CACNA2D1: variants seen among roughly 807,000 people sequenced by gnomAD.
CACNA2D1 encodes calcium voltage-gated channel auxiliary subunit alpha2delta 1.
A neutral mutation model predicts 171.5 loss-of-function variants in CACNA2D1; 53 were observed. The observed-to-expected ratio is 0.31, with a 90% CI of 0.25 to 0.39. The LOEUF is 0.39. Among genes scored for constraint, CACNA2D1 ranks in the 10% least tolerant of loss-of-function variants. The pLI, the probability that CACNA2D1 is intolerant of heterozygous loss-of-function variation, is 1.00. For synonymous variants in CACNA2D1, 442 were observed against 443.1 expected, an observed-to-expected ratio of 1.00 and a Z score of 0.03; for missense variants, 903 against 1,299.8, an observed-to-expected ratio of 0.69 and a Z score of 4.69.
intron 3 of CACNA2D1, among the ~76,000 whole-genome samples, chr7:82,312,684 T>A (rs1275693000): frequency 1.6e-5 from 2 of 121,924 alleles, no homozygotes; most frequent in African/African-American, 9.9e-5. Context: ...GCCCAGCTAA[T>A]TTTTTTTTTT....
intron 2 of CACNA2D1, among the ~76,000 whole-genome samples, chr7:82,349,265 T>A (rs569350671): frequency 1.3e-5 from 2 of 152,334 alleles, no homozygotes; most frequent in African/African-American, 4.8e-5. Flanking sequence ...GGAAACATTA[T>A]AATAGTAAGT....
intron 6 of CACNA2D1, among the ~76,000 whole-genome samples, chr7:82,111,377 CATAT>C (rs112816363): frequency 3.7e-5 from 3 of 82,184 alleles, no homozygotes; most frequent in South Asian, 3.8e-4. Flanking sequence ...TATATATATT[CATAT>C]ATGTGTATAT....
chr7:82,029,814 A>C (rs1302759941), intron 12 of CACNA2D1: 1 of 151,844 alleles, frequency 6.6e-6, no homozygotes, highest in Non-Finnish European at 1.5e-5. Flanking sequence ...AGTTAGAAAA[A>C]CAAACAATAT....
intron 4 of CACNA2D1, among the ~76,000 whole-genome samples, chr7:82,170,181 TA>T (rs1795868041): frequency 6.6e-6 from 1 of 151,960 alleles, no homozygotes; most frequent in Non-Finnish European, 1.5e-5. Context: ...TCAAAGTAGT[TA>T]AAAGCAACTT....
Position 81,967,319 on chromosome 7 carries a change from G to C in CACNA2D1, c.2464-112C>G, listed in dbSNP as rs555407383. On this transcript the variant is annotated intron_variant, in intron 30 of 38. Transcript: ENST00000356860. Reference sequence around the variant, plus strand: ...AATAATTTATCCAGTAGAAAAATAAGATTAAACAGTCTAGTCTATAAGAAA... The same window carrying C: ...AATAATTTATCCAGTAGAAAAATAACATTAAACAGTCTAGTCTATAAGAAA... The C allele has an allele frequency of 1.4e-5, 13 of 918,092 alleles. No homozygotes were observed. The East Asian group carries it at 2.4e-4, about 17-fold the overall frequency. The allele number at this position is 918,092 out of a possible 1,614,324, so 56.9% of individuals were successfully genotyped here. A position where few individuals can be genotyped will look rare whatever the true frequency, so the allele number is the denominator to read the frequency against.
At chr7:82,053,227 G>A (rs1260000703) in intron 10 of CACNA2D1, among the ~76,000 whole-genome samples, 1 of 146,450 alleles carries the variant, frequency 6.8e-6, no homozygotes, top group Non-Finnish European at 1.5e-5. Flanking sequence ...ACTCCAGCCT[G>A]GGTGACAGAG....
At chr7:82,115,499 G>T (rs1202969432) in intron 6 of CACNA2D1, among the ~76,000 whole-genome samples, 2 of 151,626 alleles carry the variant, frequency 1.3e-5, no homozygotes, top group Non-Finnish European at 2.9e-5. Flanking sequence ...TTATGTTTAA[G>T]GCTCATGTAA....
At chr7:82,151,938 A>T (rs1793894031) in intron 4 of CACNA2D1, among the ~76,000 whole-genome samples, 1 of 152,098 alleles carries the variant, frequency 6.6e-6, no homozygotes, top group Admixed American at 6.5e-5. Context: ...AACTAGAAGG[A>T]GGTATTTTTT....
At chr7:82,097,530 TG>T (rs1367149972) in intron 6 of CACNA2D1, among the ~76,000 whole-genome samples, 1 of 152,160 alleles carries the variant, frequency 6.6e-6, no homozygotes, top group Admixed American at 6.5e-5. Flanking sequence ...CATGGTTTTC[TG>T]ACTTGGGTTC....
chr7:82,399,546 C>G (rs1826122108), intron 1 of CACNA2D1, among the ~76,000 whole-genome samples: 1 of 151,916 alleles, frequency 6.6e-6, no homozygotes. Flanking sequence ...AATGATAAAA[C>G]AATGATGAAA....
At chr7:82,181,041 ATTTTTTTTTTTTTTTTTTT>A (rs71093367) in intron 3 of CACNA2D1, among the ~76,000 whole-genome samples, 34 of 13,960 alleles carry the variant, frequency 2.4e-3, no homozygotes, top group Non-Finnish European at 4.2e-3. Flanking sequence ...GGCATGTCGG[ATTTTTTTTTTTTTTTTTTT>A]TTTTTTTTTT....
chr7:82,176,550 G>C (rs1255742560), intron 3 of CACNA2D1, among the ~76,000 whole-genome samples: 1 of 151,862 alleles, frequency 6.6e-6, no homozygotes, highest in African/African-American at 2.4e-5. Context: ...GGTTCTGTTA[G>C]CTAAAGAAGC....
At chr7:82,073,538 T>C (rs3823923) in intron 7 of CACNA2D1, among the ~76,000 whole-genome samples, 59,024 of 152,018 alleles carry the variant, frequency 0.39, 11,763 homozygotes, top group Non-Finnish European at 0.43. Flanking sequence ...AAATTATCTG[T>C]GAGAACAAAA....
intron 3 of CACNA2D1, among the ~76,000 whole-genome samples, chr7:82,208,945 T>C (rs1401600645): frequency 6.6e-6 from 1 of 152,178 alleles, no homozygotes; most frequent in East Asian, 1.9e-4. Context: ...AACAGATATA[T>C]ACAATTTTTA....
chr7:82,131,130 T>G (rs1240094954), intron 5 of CACNA2D1, among the ~76,000 whole-genome samples: 1 of 152,084 alleles, frequency 6.6e-6, no homozygotes, highest in Non-Finnish European at 1.5e-5. Flanking sequence ...TGTCCTAAGG[T>G]TACATTTGTA....
At chr7:82,315,791 A>C (rs10280179) in intron 3 of CACNA2D1, among the ~76,000 whole-genome samples, 11,934 of 152,196 alleles carry the variant, frequency 0.078, 1,576 homozygotes, top group African/African-American at 0.27. Context: ...ATTTCACCAC[A>C]CAACCAATTC....
intron 10 of CACNA2D1, among the ~76,000 whole-genome samples, chr7:82,049,466 G>A (rs138096252): frequency 8.5e-5 from 13 of 152,094 alleles, no homozygotes; most frequent in African/African-American, 2.9e-4. Flanking sequence ...CTGAGTCAGT[G>A]AAAAACATGA....
chr7:82,128,360 C>G (rs935011209), intron 5 of CACNA2D1, among the ~76,000 whole-genome samples: 1 of 152,182 alleles, frequency 6.6e-6, no homozygotes, highest in Admixed American at 6.5e-5. Flanking sequence ...CTAAACCTGG[C>G]TGTATTTATT....
intron 3 of CACNA2D1, among the ~76,000 whole-genome samples, chr7:82,258,480 G>C (rs1202887446): frequency 6.6e-6 from 1 of 152,080 alleles, no homozygotes; most frequent in Non-Finnish European, 1.5e-5. Context: ...GAGCCCTCCA[G>C]CCTTACATAA....
Sources: allele counts gnomAD v4.1 joint callset (sites outside exome capture counted in the v4.1 genomes callset), GRCh38; gene constraint gnomAD v4.1.1; transcripts MANE v1.5; gene names NCBI Gene and HGNC (gene_info 2026-07-23, HGNC 2026-07-21).